Variants in ABLIM1 observed in about 807,000 individuals in gnomAD.
ABLIM1 encodes actin-binding LIM protein 1.
ABLIM1 carries 40 observed loss-of-function variants against 107.0 expected under a neutral mutation model. That is an observed-to-expected ratio of 0.37 (90% CI 0.29 to 0.49). The LOEUF (loss-of-function observed/expected upper bound fraction) is 0.49, where lower values mean the gene tolerates loss of function less well. ABLIM1 is among the 20% of genes least tolerant of loss of function. The pLI is 0.97. For missense variants in ABLIM1, 857 were observed against 1,008.5 expected (o/e 0.85, Z 2.04); for synonymous variants, 357 against 357.3 (o/e 1.00, Z 0.01).
chr10:114,721,257 G>T (rs1044087808), intron 1 of ABLIM1, among the ~76,000 whole-genome samples: 1 of 152,160 alleles, frequency 6.6e-6, no homozygotes, highest in African/African-American at 2.4e-5. Flanking sequence ...TGACAGGTGA[G>T]CTTCACCTCT....
chr10:114,431,294 A>G lies in ABLIM1; in HGVS notation c.*4966T>C, dbSNP rs2058831625. The G allele has an allele frequency of 6.6e-6, 1 of 152,258 alleles. No individual in the cohort carries two copies. Among genetic ancestry groups the G allele is most frequent in the Non-Finnish European group, 1.5e-5 (1 of 68,048 alleles). The allele number at this position is 152,258 out of a possible 1,614,324, so 9.4% of individuals were successfully genotyped here. On this transcript the variant is annotated 3_prime_UTR_variant, in exon 23 of 23. Coordinates refer to ENST00000533213, the MANE Select transcript of ABLIM1 (RefSeq NM_002313.7). ...CTCTACACACAAGCATGTGGCACTT[A>G]GCGCGCCAACACACACCTGCTCAGT...
chr10:114,612,086 C>T (rs1029147185), intron 1 of ABLIM1, among the ~76,000 whole-genome samples: 9 of 152,174 alleles, frequency 5.9e-5, no homozygotes, highest in Non-Finnish European at 1.3e-4. Context: ...GAGGCCATAT[C>T]CTCCTAGGAG....
At chr10:114,657,225 C>T (rs2079565320) in intron 1 of ABLIM1, among the ~76,000 whole-genome samples, 1 of 152,320 alleles carries the variant, frequency 6.6e-6, no homozygotes, top group African/African-American at 2.4e-5. Flanking sequence ...TTCATACATT[C>T]GTAGGGACCA....
intron 1 of ABLIM1, among the ~76,000 whole-genome samples, chr10:114,633,395 C>T (rs1390742434): frequency 6.6e-6 from 1 of 152,104 alleles, no homozygotes; most frequent in African/African-American, 2.4e-5. Flanking sequence ...AACAGTAGCA[C>T]AGCTCAGGCA....
exon 1 of ABLIM1, chr10:114,684,504 G>C: frequency 1.4e-6 from 2 of 1,428,028 alleles, no homozygotes; most frequent in South Asian, 3.1e-5. Context: ...TGCCACCGGT[G>C]GGTGTGCCAC....
intron 12 of ABLIM1, chr10:114,463,097 G>T: frequency 7.5e-7 from 1 of 1,334,224 alleles, no homozygotes; most frequent in Non-Finnish European, 9.9e-7. Context: ...GGCGGGAGTC[G>T]CTGTGGGTGG....
chr10:114,491,012 G>GTGTGTGTGTATATATATATATATATATA lies in ABLIM1; in HGVS notation c.982+778_982+779insTATATATATATATATATATACACACACA. Among the ~76,000 whole-genome samples, 664 of 91,894 alleles carry GTGTGTGTGTATATATATATATATATATA rather than the reference G, an allele frequency of 7.2e-3. 6 individuals are homozygous for GTGTGTGTGTATATATATATATATATATA. Among genetic ancestry groups the GTGTGTGTGTATATATATATATATATATA allele is most frequent in the East Asian group, 0.013 (26 of 1,956 alleles). 60.3% of individuals were successfully genotyped at this position (91,894 alleles called of 152,430 possible). On this transcript the variant is annotated intron_variant, in intron 7 of 22. Transcript: ENST00000533213. The stretch of plus-strand genomic sequence containing the variant: ...TGTGTGTGTGTGTGTGTGTGTGTGT[G>GTGTGTGTGTATATATATATATATATATA]TATATATATATATGGTCTATTTTAT...
chr10:114,578,587 G>C (rs577328696), intron 2 of ABLIM1, among the ~76,000 whole-genome samples: 1 of 151,390 alleles, frequency 6.6e-6, no homozygotes, highest in Admixed American at 6.6e-5. Context: ...TGTATTTTTA[G>C]TAGAGATGGG....
At chr10:114,785,240 A>G in the ABLIM1 span, among the ~76,000 whole-genome samples, 1 of 152,228 alleles carries the variant, frequency 6.6e-6, no homozygotes, top group African/African-American at 2.4e-5. Flanking sequence ...TCTAACTCCT[A>G]GGTGGCTTCT....
chr10:114,540,547 AG>A (rs2066530698), intron 6 of ABLIM1, among the ~76,000 whole-genome samples: 1 of 152,136 alleles, frequency 6.6e-6, no homozygotes, highest in Non-Finnish European at 1.5e-5. Context: ...GGGCTGCTGG[AG>A]GTTACATGCT....
intron 2 of ABLIM1, among the ~76,000 whole-genome samples, chr10:114,594,394 A>G (rs1315389030): frequency 6.6e-6 from 1 of 152,210 alleles, no homozygotes; most frequent in Non-Finnish European, 1.5e-5. Context: ...TCTAGTAGCC[A>G]TTGGAAGACA....
intron 2 of ABLIM1, among the ~76,000 whole-genome samples, chr10:114,595,847 C>G (rs2075364268): frequency 1.3e-5 from 2 of 152,188 alleles, no homozygotes; most frequent in South Asian, 4.1e-4. Context: ...ATTTCACACA[C>G]AGTTATATAG....
At chr10:114,718,045 G>T (rs2081729605) in intron 1 of ABLIM1, among the ~76,000 whole-genome samples, 1 of 83,904 alleles carries the variant, frequency 1.2e-5, no homozygotes, top group African/African-American at 5.2e-5. Context: ...AAGAGAAAGA[G>T]AAAGAAAGAA....
intron 2 of ABLIM1, among the ~76,000 whole-genome samples, chr10:114,576,848 G>A (rs1224088988): frequency 1.3e-5 from 2 of 152,206 alleles, no homozygotes; most frequent in Non-Finnish European, 2.9e-5. Context: ...ATTATGGCCT[G>A]AGTCCATCAT....
At chr10:114,614,795 T>A (rs569843309) in intron 1 of ABLIM1, among the ~76,000 whole-genome samples, 2 of 152,230 alleles carry the variant, frequency 1.3e-5, no homozygotes, top group South Asian at 4.2e-4. Flanking sequence ...GGCTCACGTC[T>A]GTAATCCCAG....
chr10:114,732,180 CTTTTTTTTTTTT>C (rs113276247), intron 1 of ABLIM1, among the ~76,000 whole-genome samples: 1,454 of 109,878 alleles, frequency 0.013, 32 homozygotes, highest in African/African-American at 0.044. Flanking sequence ...CTTTTCTTTT[CTTTTTTTTTTTT>C]TTTTTTTTTG....
At chr10:114,482,779 C>G (rs2057573421) in intron 8 of ABLIM1, among the ~76,000 whole-genome samples, 2 of 152,212 alleles carry the variant, frequency 1.3e-5, no homozygotes. Flanking sequence ...CTCGCTCCCT[C>G]TCTGTCTCTC....
chr10:114,566,139 C>T (rs1369856744), intron 4 of ABLIM1, among the ~76,000 whole-genome samples: 3 of 152,092 alleles, frequency 2.0e-5, no homozygotes, highest in African/African-American at 7.2e-5. Context: ...GTCTTGATAC[C>T]TGTAGGAGTT....
intron 12 of ABLIM1, among the ~76,000 whole-genome samples, chr10:114,453,711 A>G (rs1013166311): frequency 4.6e-5 from 7 of 152,170 alleles, no homozygotes; most frequent in Non-Finnish European, 8.8e-5. Flanking sequence ...AGAAGCAGCT[A>G]GCGGTCAGGT....
Sources: allele counts gnomAD v4.1 joint callset (sites outside exome capture counted in the v4.1 genomes callset), GRCh38; gene constraint gnomAD v4.1.1; transcripts MANE v1.5; gene names NCBI Gene and HGNC (gene_info 2026-07-23, HGNC 2026-07-21).